The following PSG7 variants were observed in gnomAD, a reference collection of about 807,000 sequenced individuals.
The protein encoded by PSG7 is pregnancy specific beta-1-glycoprotein 7.
PSG7 carries 57 observed loss-of-function variants against 45.6 expected under a neutral mutation model. The ratio of observed to expected loss-of-function variants is 1.25; its 90% CI spans 1.01 to 1.56. The LOEUF is 1.56. Among genes scored for constraint, PSG7 ranks in the 40% most tolerant of loss-of-function variants. The probability of loss-of-function intolerance (pLI) is 0.00; values close to 1 mark genes in which losing one functional copy is unlikely to be tolerated. For missense variants in PSG7, 796 were observed against 508.4 expected (o/e 1.57, Z -5.44); for synonymous variants, 298 against 194.4 (o/e 1.53, Z -4.43).
At chr19:42,935,278 C>G (rs1973121218) in intron 2 of PSG7, 126 bp downstream of exon 2, 2 of 1,506,496 alleles carry the variant, frequency 1.3e-6, no homozygotes, top group South Asian at 1.2e-5. Context: ...AATAAATGCC[C>G]AAACCCCAGC....
At chr19:42,925,558 C>G (rs1972862884) in intron 5 of PSG7, 2 of 1,220,538 alleles carry the variant, frequency 1.6e-6, no homozygotes, top group South Asian at 3.7e-5. Flanking sequence ...GTTTTTCCTG[C>G]TTGGTCTAGG....
chr19:42,928,094 G>T (rs567676677), intron 3 of PSG7, among the ~76,000 whole-genome samples: 8 of 151,342 alleles, frequency 5.3e-5, no homozygotes, highest in Admixed American at 6.6e-5. Flanking sequence ...CTCTCACCAC[G>T]TTTCTAGCTT....
At position 42,937,174 on chromosome 19, in the gene PSG7, G is replaced by T; in HGVS notation, c.-98C>A. The T allele has an allele frequency of 2.0e-6, 3 of 1,498,712 alleles. No individual in the cohort carries two copies. The highest frequency in any genetic ancestry group is 2.7e-6 in the Non-Finnish European group (3 of 1,100,222). 92.8% of individuals were successfully genotyped at this position (1,498,712 alleles called of 1,614,324 possible). A position where few individuals can be genotyped will look rare whatever the true frequency, so the allele number is the denominator to read the frequency against. ...CAGCTGTGCTGTCCTTCCTCCTTCT[G>T]CACTGAGCCTCTTCCCGGGGCAGGA... On this transcript the variant is annotated 5_prime_UTR_variant, in exon 1 of 6. Coordinates refer to ENST00000406070, the MANE Select transcript of PSG7 (RefSeq NM_002783.3).
At position 42,929,361 on chromosome 19, in the gene PSG7, G is replaced by C. The variant is rs1600565979; in HGVS notation, c.709+81C>G. ...GGTAAAGGTCTACATACTTGGACCTGAGAGGGACTGAGAAGCCCGGCCTCT... is the reference window on the plus strand; with the variant it reads ...GGTAAAGGTCTACATACTTGGACCTCAGAGGGACTGAGAAGCCCGGCCTCT... On this transcript the variant is annotated intron_variant, in intron 3 of 5. Transcript: ENST00000406070. The C allele has an allele frequency of 3.1e-6, 5 of 1,608,776 alleles. 1 individual carries two copies. The East Asian group carries it at 6.7e-5, about 22-fold the overall frequency.
rs549548919 is a variant in PSG7 at position 42,924,512 on chromosome 19, C to T, written c.*296G>A. Reference sequence around the variant, plus strand: ...TGAAAGAGGCAGGCACAAGCAAGGACAGCTAAGAGGGGTGAGAGCCTCATC... The same window carrying T: ...TGAAAGAGGCAGGCACAAGCAAGGATAGCTAAGAGGGGTGAGAGCCTCATC... On this transcript the variant is annotated 3_prime_UTR_variant, in exon 6 of 6. Coordinates refer to ENST00000406070, the MANE Select transcript of PSG7 (RefSeq NM_002783.3). 228 of 575,974 alleles carry T rather than the reference C, an allele frequency of 4.0e-4. 1 individual carries two copies. The highest frequency in any genetic ancestry group is 3.9e-3 in the African/African-American group (210 of 53,358). 35.7% of individuals were successfully genotyped at this position (575,974 alleles called of 1,614,324 possible). A position where few individuals can be genotyped will look rare whatever the true frequency, so the allele number is the denominator to read the frequency against.
At chr19:42,927,897 G>T (rs1304840498) in intron 3 of PSG7, among the ~76,000 whole-genome samples, 2 of 151,498 alleles carry the variant, frequency 1.3e-5, no homozygotes, top group South Asian at 4.2e-4. Context: ...TACAACTTAG[G>T]ACAAAAAGTG....
intron 2 of PSG7, among the ~76,000 whole-genome samples, chr19:42,931,264 C>T (rs1251258466): frequency 6.6e-6 from 1 of 151,580 alleles, no homozygotes; most frequent in African/African-American, 2.4e-5. Context: ...AGTAGTATTT[C>T]TCTTGAGACG....
chr19:42,932,795 T>G (rs937508275), intron 2 of PSG7, among the ~76,000 whole-genome samples: 4 of 151,576 alleles, frequency 2.6e-5, no homozygotes, highest in African/African-American at 9.7e-5. Flanking sequence ...CCATGAGATT[T>G]AGATTATAAG....
intron 2 of PSG7, among the ~76,000 whole-genome samples, chr19:42,934,731 A>G (rs1482043281): frequency 6.6e-6 from 1 of 151,336 alleles, no homozygotes; most frequent in Non-Finnish European, 1.5e-5. Flanking sequence ...GGGATATTAG[A>G]CTTTCTATGG....
chr19:42,931,662 A>T (rs1046094193), intron 2 of PSG7, among the ~76,000 whole-genome samples: 6 of 151,280 alleles, frequency 4.0e-5, no homozygotes, highest in African/African-American at 1.5e-4. Context: ...CACACGAAGA[A>T]CTCCAACTTA....
chr19:42,929,309 A>G, intron 3 of PSG7, 133 bp downstream of exon 3: 1 of 1,573,080 alleles, frequency 6.4e-7, no homozygotes, highest in Non-Finnish European at 8.6e-7. Flanking sequence ...CTGGGGCAGG[A>G]AGTCACCACC....
intron 3 of PSG7, among the ~76,000 whole-genome samples, chr19:42,928,375 G>A: frequency 6.6e-6 from 1 of 151,502 alleles, no homozygotes; most frequent in East Asian, 1.9e-4. Context: ...ACTTTGCGTA[G>A]TATTTTCTTT....
In PSG7 at chr19:42,933,266, A is replaced by ATATAT. The variant is rs1973060126; in HGVS notation, c.430+2137_430+2138insATATA. Among the ~76,000 whole-genome samples the ATATAT allele has an allele frequency of 3.4e-3, 53 of 15,744 alleles. 6 individuals carry two copies. The highest frequency in any genetic ancestry group is 7.5e-3 in the South Asian group (2 of 266). 10.3% of individuals were successfully genotyped at this position (15,744 alleles called of 152,430 possible). On this transcript the variant is annotated intron_variant, in intron 2 of 5. Coordinates refer to ENST00000406070, the MANE Select transcript of PSG7 (RefSeq NM_002783.3). ...ATTCTTTACTACAAATCACCATTTC[A>ATATAT]ATATATATATATATATATATATATA...
At chr19:42,928,767 A>G (rs904565935) in intron 3 of PSG7, among the ~76,000 whole-genome samples, 5 of 151,368 alleles carry the variant, frequency 3.3e-5, no homozygotes, top group Admixed American at 6.6e-5. Context: ...CATATTGCCA[A>G]TGCTCCAGGG....
intron 2 of PSG7, 72 bp downstream of exon 2, chr19:42,935,332 G>A: frequency 6.4e-7 from 1 of 1,559,984 alleles, no homozygotes; most frequent in Non-Finnish European, 8.8e-7. Context: ...GTCCAGGCCT[G>A]ACAATTCTGT....
rs1186824536 is a variant in PSG7, at chr19:42,935,792, G to A, written c.65-23C>T. The A allele has an allele frequency of 5.0e-6, 8 of 1,596,284 alleles. No homozygotes were observed. In the South Asian group the frequency reaches 9.1e-5, roughly 18 times the overall value. On this transcript the variant is annotated intron_variant, in intron 1 of 5. Coordinates refer to ENST00000406070, the MANE Select transcript of PSG7 (RefSeq NM_002783.3). Reference sequence around the variant, plus strand: ...ATGCTAGGAGGTGGAGAGAGCATCAGTCAATATTGAGACCTATGTGTTGGG... The same window carrying A: ...ATGCTAGGAGGTGGAGAGAGCATCAATCAATATTGAGACCTATGTGTTGGG...
intron 2 of PSG7, among the ~76,000 whole-genome samples, chr19:42,933,307 A>ATATATATATATATATAT (rs56691588): frequency 7.4e-5 from 1 of 13,498 alleles, no homozygotes; most frequent in Non-Finnish European, 1.6e-4. Flanking sequence ...ATATATATAT[A>ATATATATATATATATAT]TTTTTTTTTT....
chr19:42,926,536 A>G lies in PSG7; in HGVS notation c.890T>C (p.Leu297Pro). The G allele has an allele frequency of 6.2e-7, 1 of 1,610,760 alleles. No individual in the cohort carries two copies. Among genetic ancestry groups the G allele is most frequent in the Non-Finnish European group, 8.5e-7 (1 of 1,179,026 alleles). ...KRRIENRILI[L>P]PSVTRNETGP... Reference sequence around the variant, plus strand: ...TGTTTCATTTCTCGTGACACTGGGTAGAATGAGGATCCTGTTTTCAATGCG... The same window carrying G: ...TGTTTCATTTCTCGTGACACTGGGTGGAATGAGGATCCTGTTTTCAATGCG... The change falls in exon 4 of 6, where the codon CTA (leucine) becomes CCA (proline). Residue 297 changes from leucine to proline, a missense_variant. By Grantham distance (98) the Leu-to-Pro change is moderately conservative (BLOSUM62 -3). Coordinates refer to ENST00000406070, the MANE Select transcript of PSG7 (RefSeq NM_002783.3).
rs569029200 is a variant in PSG7 at position 42,936,616 on chromosome 19, C to A, written c.64+397G>T. 4.9e-5 allele frequency: 10 copies of A among 204,170 alleles called. No individual in the cohort carries two copies. The South Asian group carries it at 7.0e-4, about 14-fold the overall frequency. The allele number at this position is 204,170 out of a possible 1,614,324, so 12.6% of individuals were successfully genotyped here. ...TCTGGTGTATTTTCCCCTATCCAGG[C>A]TCCAACAGAGCCTTCTTTCCTTTTT... is the stretch of plus-strand genomic sequence containing the variant. On this transcript the variant is annotated intron_variant, in intron 1 of 5. Transcript: ENST00000406070.
Sources: allele counts gnomAD v4.1 joint callset (sites outside exome capture counted in the v4.1 genomes callset), GRCh38; gene constraint gnomAD v4.1.1; transcripts MANE v1.5; gene names NCBI Gene and HGNC (gene_info 2026-07-23, HGNC 2026-07-21).